The following MANBA variants were observed in gnomAD, a reference collection of about 807,000 sequenced individuals.
MANBA encodes the protein beta-mannosidase.
A neutral mutation model predicts 111.1 loss-of-function variants in MANBA; 83 were observed. The observed-to-expected ratio is 0.75, with a 90% confidence interval of 0.63 to 0.90. MANBA has a LOEUF of 0.90. MANBA is among the 40% of genes least tolerant of loss of function. The pLI is 0.00. For synonymous variants in MANBA, 370 were observed against 378.7 expected (o/e 0.98, Z 0.27); for missense variants, 1,036 against 1,069.0 (o/e 0.97, Z 0.43).
rs556092450 is a variant in MANBA, at chr4:102,702,499, T to G, written c.674-11728A>C. Among the ~76,000 whole-genome samples the G allele has an allele frequency of 6.4e-3, 975 of 152,254 alleles. 12 individuals are homozygous for G. Among genetic ancestry groups the G allele is most frequent in the African/African-American group, 0.022 (919 of 41,510 alleles). On this transcript the variant is annotated intron_variant, in intron 5 of 16. Coordinates refer to ENST00000647097, the MANE Select transcript of MANBA (RefSeq NM_005908.4). ...CAATCTTTGCGGTTTTATCTACTTT[T>G]GGTCTTTGATGATGGTGATGTACAG...
intron 1 of MANBA, among the ~76,000 whole-genome samples, chr4:102,740,475 C>T (rs1723362052): frequency 6.6e-6 from 1 of 152,122 alleles, no homozygotes; most frequent in Non-Finnish European, 1.5e-5. Flanking sequence ...TCAAAAGGAG[C>T]CTGCATAGCC....
intron 7 of MANBA, among the ~76,000 whole-genome samples, chr4:102,687,587 C>T (rs372742546): frequency 4.6e-5 from 7 of 152,140 alleles, no homozygotes; most frequent in Admixed American, 3.9e-4. Flanking sequence ...CTTTTCCCTC[C>T]GCCTCTTTGC....
rs3194585 is a variant in MANBA, at chr4:102,631,933, A to G, written c.*124T>C. 0.52 allele frequency: 440,061 copies of G among 841,964 alleles called. 117,085 individuals carry two copies. The highest frequency in any genetic ancestry group is 0.69 in the Admixed American group (34,758 of 50,726). The allele number at this position is 841,964 out of a possible 1,614,324, so 52.2% of individuals were successfully genotyped here. On this transcript the variant is annotated 3_prime_UTR_variant, in exon 17 of 17. Coordinates refer to ENST00000647097, the MANE Select transcript of MANBA (RefSeq NM_005908.4). ...CAACTCTTCACAGAGCAATCGCTCA[A>G]ATGCGTGGCAGCACGCAGACATGTC...
At chr4:102,726,065 CT>C in intron 2 of MANBA, among the ~76,000 whole-genome samples, 1 of 151,498 alleles carries the variant, frequency 6.6e-6, no homozygotes, top group Non-Finnish European at 1.5e-5. Flanking sequence ...ATATTCTGGC[CT>C]TTTCCCCCCT....
chr4:102,640,317 G>A (rs985850656), intron 13 of MANBA, among the ~76,000 whole-genome samples: 1 of 152,200 alleles, frequency 6.6e-6, no homozygotes, highest in Non-Finnish European at 1.5e-5. Context: ...TTATGAGTCT[G>A]ATATTATCCA....
chr4:102,713,403 C>T (rs1400496920), intron 5 of MANBA, among the ~76,000 whole-genome samples: 1 of 152,104 alleles, frequency 6.6e-6, no homozygotes, highest in Non-Finnish European at 1.5e-5. Context: ...TTGTTTGTAT[C>T]TCCCCTCCCC....
rs1401512019 is a variant in MANBA, at chr4:102,760,767, G to T, written c.128C>A (p.Ala43Glu). Reference protein sequence around the residue: ...NGNGSLELPGAVPGCVHSALF... With the variant: ...NGNGSLELPGEVPGCVHSALF... Reference sequence around the variant, plus strand: ...GGCGCTGTGCACGCAGCCAGGGACCGCCCCGGGCAGCTCCAGCGAGCCGTT... The same window carrying T: ...GGCGCTGTGCACGCAGCCAGGGACCTCCCCGGGCAGCTCCAGCGAGCCGTT... The change falls in exon 1 of 17, where the codon GCG becomes GAG. Residue 43 changes from alanine (A) to glutamate (E), a missense_variant. Coordinates refer to ENST00000647097, the MANE Select transcript of MANBA (RefSeq NM_005908.4). 6.5e-7 allele frequency: 1 copy of T among 1,550,160 alleles called. No homozygotes were observed.
At chr4:102,692,089 A>C (rs1732502367) in intron 5 of MANBA, among the ~76,000 whole-genome samples, 1 of 152,176 alleles carries the variant, frequency 6.6e-6, no homozygotes, top group Admixed American at 6.5e-5. Context: ...GGAGTCATTG[A>C]AGATTTTTCA....
chr4:102,686,324 C>G (rs979945360), intron 7 of MANBA, among the ~76,000 whole-genome samples: 4 of 152,284 alleles, frequency 2.6e-5, no homozygotes, highest in East Asian at 3.9e-4. Context: ...AGCTTTCCCC[C>G]CTTCTATGTT....
chr4:102,650,815 T>G (rs766911593), intron 12 of MANBA, 114 bp from the exon 13 acceptor site: 2 of 806,696 alleles, frequency 2.5e-6, no homozygotes, highest in Non-Finnish European at 4.1e-6. Flanking sequence ...ACCTTGAGGT[T>G]TGTTCTGTGG....
intron 12 of MANBA, among the ~76,000 whole-genome samples, chr4:102,653,899 C>G (rs1283761900): frequency 2.6e-5 from 4 of 152,032 alleles, no homozygotes; most frequent in Non-Finnish European, 4.4e-5. Context: ...CTGAACCCAG[C>G]TACTTATTGT....
At chr4:102,657,108 A>C (rs73834883) in intron 12 of MANBA, among the ~76,000 whole-genome samples, 1,547 of 152,138 alleles carry the variant, frequency 0.01, 32 homozygotes, top group African/African-American at 0.035. Flanking sequence ...AAGCTATTTT[A>C]AGAAGAACAC....
intron 1 of MANBA, chr4:102,727,572 G>A: frequency 6.2e-7 from 1 of 1,606,150 alleles, no homozygotes; most frequent in South Asian, 1.1e-5. Context: ...CTGGGGACGA[G>A]AGCAATGGGT....
intron 11 of MANBA, among the ~76,000 whole-genome samples, chr4:102,660,531 T>C (rs1730887965): frequency 6.6e-6 from 1 of 152,140 alleles, no homozygotes; most frequent in African/African-American, 2.4e-5. Context: ...CATAGCTCAC[T>C]GCAGCCTCGA....
rs576073776 is a variant in MANBA, at chr4:102,730,190, G to T, written c.178-3507C>A. 3 of 740,352 alleles carry T rather than the reference G, an allele frequency of 4.1e-6. No homozygotes were observed. The South Asian group carries it at 6.1e-5, about 15-fold the overall frequency. The allele number at this position is 740,352 out of a possible 1,614,324, so 45.9% of individuals were successfully genotyped here. ...TGGACATGGTGGAGGCAGGAGTGGG[G>T]GCAGGAAGGCCGAACCAGATAGAGA... On this transcript the variant is annotated intron_variant, in intron 1 of 16. Transcript: ENST00000647097.
intron 14 of MANBA, among the ~76,000 whole-genome samples, chr4:102,636,444 C>T (rs1178920459): frequency 6.6e-6 from 1 of 152,218 alleles, no homozygotes; most frequent in East Asian, 1.9e-4. Context: ...ATTATAATCT[C>T]ATGGGACCAC....
intron 7 of MANBA, among the ~76,000 whole-genome samples, chr4:102,676,734 C>T (rs1051567028): frequency 2.0e-5 from 3 of 152,142 alleles, no homozygotes; most frequent in Non-Finnish European, 4.4e-5. Flanking sequence ...ACAAGAGGTG[C>T]TGAAATATTC....
chr4:102,650,660 T>G lies in MANBA; in HGVS notation c.1746A>C (p.Ser582=). 1 of 1,613,472 alleles carries G rather than the reference T, an allele frequency of 6.2e-7. No individual in the cohort carries two copies. The highest frequency in any genetic ancestry group is 8.5e-7 in the Non-Finnish European group (1 of 1,179,450). Reference sequence around the variant, plus strand: ...CACCTTCGTGATGTTGTCGATGAAGTGAAAACTTGCTATTGAAAGACCAGT... The same window carrying G: ...CACCTTCGTGATGTTGTCGATGAAGGGAAAACTTGCTATTGAAAGACCAGT... ...TEDWSFNSKF[S]LHRQHHEGGN... is the part of the protein sequence containing the mutation. The change falls in exon 13 of 17, where the codon TCA becomes TCC. Residue 582 remains serine (S), a synonymous_variant. Coordinates refer to ENST00000647097, the MANE Select transcript of MANBA (RefSeq NM_005908.4).
At chr4:102,692,919 G>A (rs1242601611) in intron 5 of MANBA, among the ~76,000 whole-genome samples, 1 of 151,664 alleles carries the variant, frequency 6.6e-6, no homozygotes, top group East Asian at 1.9e-4. Context: ...CGTTATAACC[G>A]GCACTGTTTA....
Sources: gnomAD v4.1 joint callset for allele counts (sites outside exome capture counted in the v4.1 genomes callset) on GRCh38, gnomAD v4.1.1 for gene constraint, MANE v1.5 for transcripts, NCBI Gene and HGNC (gene_info 2026-07-23, HGNC 2026-07-21) for gene names.